NRCAM: variants seen among roughly 807,000 people sequenced by gnomAD.
NRCAM encodes neuronal cell adhesion molecule, also known as NgCAM-related cell adhesion molecule.
Under a neutral mutation model 156.5 loss-of-function variants are expected in NRCAM, and 83 were observed. The ratio of observed to expected loss-of-function variants is 0.53; its 90% confidence interval spans 0.44 to 0.64. The LOEUF (loss-of-function observed/expected upper bound fraction) is 0.64. Among genes scored for constraint, NRCAM ranks in the 30% least tolerant of loss-of-function variants. The pLI is 0.00. For missense variants in NRCAM, 1,417 were observed against 1,597.3 expected (o/e 0.89, Z 1.92); for synonymous variants, 538 against 563.9 (o/e 0.95, Z 0.65).
chr7:108,418,580 C>G (rs1804825263), intron 1 of NRCAM, among the ~76,000 whole-genome samples: 1 of 151,520 alleles, frequency 6.6e-6, no homozygotes, highest in Admixed American at 6.6e-5. Context: ...CACACACACA[C>G]ACACACACAC....
chr7:108,436,782 A>C (rs954778075), intron 1 of NRCAM, among the ~76,000 whole-genome samples: 2 of 152,218 alleles, frequency 1.3e-5, no homozygotes, highest in Admixed American at 6.5e-5. Context: ...CTTATCAAAA[A>C]TAAGGGGAGG....
intron 3 of NRCAM, among the ~76,000 whole-genome samples, chr7:108,276,180 G>A (rs1156639894): frequency 5.3e-5 from 8 of 152,244 alleles, no homozygotes; most frequent in African/African-American, 7.2e-5. Context: ...GAATAAGTGC[G>A]ATGTGGTGCT....
At chr7:108,243,714 T>G (rs2095699705) in intron 3 of NRCAM, among the ~76,000 whole-genome samples, 1 of 152,206 alleles carries the variant, frequency 6.6e-6, no homozygotes, top group South Asian at 2.1e-4. Flanking sequence ...TAGATCACCC[T>G]ATTTAAAATC....
intron 2 of NRCAM, among the ~76,000 whole-genome samples, chr7:108,371,590 G>T (rs973114862): frequency 6.6e-6 from 1 of 152,100 alleles, no homozygotes; most frequent in Middle Eastern, 3.2e-3. Context: ...TTTACAAATT[G>T]AATTATTAAC....
intron 8 of NRCAM, among the ~76,000 whole-genome samples, chr7:108,227,863 TG>T (rs1048540569): frequency 1.3e-5 from 2 of 152,186 alleles, no homozygotes; most frequent in African/African-American, 2.4e-5. Flanking sequence ...GTTAAAAGTC[TG>T]GAGCTCCCTC....
chr7:108,289,467 C>T (rs2098218962), intron 3 of NRCAM, among the ~76,000 whole-genome samples: 1 of 152,098 alleles, frequency 6.6e-6, no homozygotes, highest in Non-Finnish European at 1.5e-5. Context: ...TGTTGTACAA[C>T]AGATCTCTTG....
intron 31 of NRCAM, among the ~76,000 whole-genome samples, chr7:108,160,093 A>G (rs963632521): frequency 1.6e-4 from 25 of 152,310 alleles, no homozygotes; most frequent in African/African-American, 6.0e-4. Context: ...TTACTTCAGC[A>G]TCCATAACCT....
At chr7:108,167,422 C>T (rs1156776164) in intron 29 of NRCAM, among the ~76,000 whole-genome samples, 2 of 151,730 alleles carry the variant, frequency 1.3e-5, no homozygotes, top group African/African-American at 4.9e-5. Flanking sequence ...AACTGATACA[C>T]ATTAATTAGC....
At chr7:108,401,710 G>A (rs927108239) in intron 1 of NRCAM, among the ~76,000 whole-genome samples, 1 of 152,182 alleles carries the variant, frequency 6.6e-6, no homozygotes, top group African/African-American at 2.4e-5. Flanking sequence ...AGAGAGATGA[G>A]TCTTGTCTCA....
chr7:108,304,676 G>T (rs1262344907), intron 3 of NRCAM, among the ~76,000 whole-genome samples: 1 of 152,098 alleles, frequency 6.6e-6, no homozygotes, highest in Non-Finnish European at 1.5e-5. Flanking sequence ...AAATGTTGAG[G>T]TTCTAGGTTC....
intron 11 of NRCAM, among the ~76,000 whole-genome samples, chr7:108,218,507 A>G (rs2090693129): frequency 6.6e-6 from 1 of 152,092 alleles, no homozygotes; most frequent in African/African-American, 2.4e-5. Context: ...TATATCAAGC[A>G]CTCTCTCAGA....
At chr7:108,166,130 T>C (rs2053962112) in intron 30 of NRCAM, among the ~76,000 whole-genome samples, 1 of 152,244 alleles carries the variant, frequency 6.6e-6, no homozygotes, top group South Asian at 2.1e-4. Context: ...ATATGAATTG[T>C]ACAAGTTCTT....
chr7:108,412,175 G>A (rs182695520), intron 1 of NRCAM, among the ~76,000 whole-genome samples: 1 of 151,118 alleles, frequency 6.6e-6, no homozygotes, highest in African/African-American at 2.4e-5. Context: ...AATCTCAAAG[G>A]CGAAAAAAAA....
intron 11 of NRCAM, among the ~76,000 whole-genome samples, chr7:108,216,337 C>T (rs1391015282): frequency 4.6e-5 from 7 of 152,110 alleles, no homozygotes; most frequent in African/African-American, 1.7e-4. Context: ...CTCTGGTTGT[C>T]CTTAACATTT....
At chr7:108,223,541 A>T (rs1029426749) in intron 11 of NRCAM, among the ~76,000 whole-genome samples, 184 bp downstream of exon 11, 23 of 152,174 alleles carry the variant, frequency 1.5e-4, no homozygotes, top group Non-Finnish European at 2.4e-4. Context: ...CTATTACATT[A>T]AAAAAATTAT....
At chr7:108,186,465 T>G (rs433870) in intron 20 of NRCAM, among the ~76,000 whole-genome samples, 103,306 of 152,022 alleles carry the variant, frequency 0.68, 37,174 homozygotes, top group East Asian at 0.96. Context: ...CCACACTCTC[T>G]GTAGTACAAT....
At chr7:108,186,197 T>C (rs906104732) in intron 20 of NRCAM, among the ~76,000 whole-genome samples, 8 of 152,210 alleles carry the variant, frequency 5.3e-5, no homozygotes, top group African/African-American at 1.7e-4. Flanking sequence ...GTCCTTGGAG[T>C]TCTCCTTTCA....
intron 1 of NRCAM, among the ~76,000 whole-genome samples, chr7:108,432,927 G>GAGGAGA (rs1410156785): frequency 2.1e-5 from 2 of 94,044 alleles, no homozygotes; most frequent in Non-Finnish European, 4.9e-5. Context: ...GAAAGAGAAA[G>GAGGAGA]AGGAGAAAGA....
chr7:108,297,691 C>G (rs1198875501), intron 3 of NRCAM, among the ~76,000 whole-genome samples: 2 of 152,006 alleles, frequency 1.3e-5, no homozygotes, highest in African/African-American at 4.8e-5. Context: ...AAAAAAACAA[C>G]AACTGCAAAT....
Sources: gnomAD v4.1 joint callset for allele counts (sites outside exome capture counted in the v4.1 genomes callset) on GRCh38, gnomAD v4.1.1 for gene constraint, MANE v1.5 for transcripts, NCBI Gene and HGNC (gene_info 2026-07-23, HGNC 2026-07-21) for gene names.